CAMK1G: variants seen among roughly 807,000 people sequenced by gnomAD.
The protein encoded by CAMK1G is calcium/calmodulin dependent protein kinase IG.
CAMK1G carries 27 observed loss-of-function variants against 54.8 expected under a neutral mutation model. That is an observed-to-expected ratio of 0.49 (90% CI 0.36 to 0.68). CAMK1G has a LOEUF of 0.68. Among genes scored for constraint, CAMK1G ranks in the 30% least tolerant of loss-of-function variants. The pLI, the probability that CAMK1G is intolerant of heterozygous loss-of-function variation, is 0.00. For synonymous variants in CAMK1G, 238 were observed against 224.9 expected (o/e 1.06, Z -0.52); for missense variants, 512 against 591.0 (o/e 0.87, Z 1.39).
chr1:209,589,348 G>A (rs762193467), intron 1 of CAMK1G, among the ~76,000 whole-genome samples: 92 of 152,180 alleles, frequency 6.0e-4, no homozygotes, highest in Non-Finnish European at 1.2e-3. Flanking sequence ...CAAGAAAGAA[G>A]CCAAGCAGAT....
chr1:209,595,052 C>T lies in CAMK1G; in HGVS notation c.69C>T (p.Phe23=), dbSNP rs767850830. ...KKQTTNIRKT[F]IFMEVLGSGA... Reference sequence around the variant, plus strand: ...AGACCACCAACATCCGGAAAACCTTCATTTTTATGGAAGTGCTGGGATCGT... The same window carrying T: ...AGACCACCAACATCCGGAAAACCTTTATTTTTATGGAAGTGCTGGGATCGT... Residue 23 remains phenylalanine, a synonymous_variant, in exon 2 of 13, where the codon TTC becomes TTT. Coordinates refer to ENST00000361322, the MANE Select transcript of CAMK1G (RefSeq NM_020439.3). The T allele has an allele frequency of 3.7e-6, 6 of 1,613,922 alleles. No homozygotes were observed. The African/African-American group carries it at 8.0e-5, about 22-fold the overall frequency.
At chr1:209,605,745 T>C in intron 5 of CAMK1G, 71 bp downstream of exon 5, 1 of 1,478,820 alleles carries the variant, frequency 6.8e-7, no homozygotes, top group African/African-American at 1.4e-5. Flanking sequence ...TCATGGGACA[T>C]CTAAGCTCCA....
At chr1:209,606,550 G>T in intron 6 of CAMK1G, 107 bp downstream of exon 6, 2 of 1,276,278 alleles carry the variant, frequency 1.6e-6, no homozygotes. Flanking sequence ...AACTTCAGGG[G>T]CTATCCTGGT....
intron 1 of CAMK1G, among the ~76,000 whole-genome samples, chr1:209,591,797 C>T (rs1665257499): frequency 6.6e-6 from 1 of 152,144 alleles, no homozygotes; most frequent in Admixed American, 6.5e-5. Flanking sequence ...TGACTGGTCC[C>T]ACTGGTTCAC....
chr1:209,611,431 C>T (rs1216362785), intron 9 of CAMK1G, 34 bp from the exon 10 acceptor site: 3 of 1,606,754 alleles, frequency 1.9e-6, no homozygotes, highest in Non-Finnish European at 2.6e-6. Context: ...TAAATAGCCA[C>T]CCAGTAGCCA....
At chr1:209,606,658 C>T (rs77283315) in intron 6 of CAMK1G, among the ~76,000 whole-genome samples, 1,964 of 152,316 alleles carry the variant, frequency 0.013, 50 homozygotes, top group African/African-American at 0.045. Flanking sequence ...ACCGCCTACC[C>T]CTGAGCCCTC....
chr1:209,603,338 G>A, intron 4 of CAMK1G, 50 bp downstream of exon 4: 3 of 1,496,900 alleles, frequency 2.0e-6, no homozygotes, highest in Non-Finnish European at 2.8e-6. Flanking sequence ...TGGGGCCTGG[G>A]AGGCCTACAG....
intron 1 of CAMK1G, among the ~76,000 whole-genome samples, chr1:209,584,450 C>T (rs1377913329): frequency 6.6e-6 from 1 of 152,156 alleles, no homozygotes; most frequent in East Asian, 1.9e-4. Flanking sequence ...GCTTCCTTCA[C>T]CTTCCCCAGG....
intron 1 of CAMK1G, among the ~76,000 whole-genome samples, chr1:209,593,251 C>T (rs1665300603): frequency 1.3e-5 from 2 of 152,328 alleles, no homozygotes; most frequent in East Asian, 1.9e-4. Context: ...AACAAACTTT[C>T]TTTTTGTTCA....
chr1:209,612,409 A>C, intron 11 of CAMK1G, 193 bp downstream of exon 11: 1 of 651,800 alleles, frequency 1.5e-6, no homozygotes, highest in Admixed American at 3.0e-5. Context: ...GAGGCCATTG[A>C]CGAGTCAATG....
At chr1:209,602,993 T>A (rs1202650042) in intron 3 of CAMK1G, among the ~76,000 whole-genome samples, 1 of 152,230 alleles carries the variant, frequency 6.6e-6, no homozygotes, top group East Asian at 1.9e-4. Context: ...GGAAGGATGA[T>A]CAATTATTCA....
In CAMK1G at chr1:209,605,593, G is replaced by T; in HGVS notation, c.354G>T (p.Lys118Asn). The change falls in exon 5 of 13, where the codon AAG (lysine) becomes AAT (asparagine). Residue 118 changes from lysine (K) to asparagine (N), a missense_variant. Lys to Asn is a moderately conservative substitution (Grantham distance 94). Around this residue, in one of 3 missense-constraint regions of CAMK1G, gnomAD observed 186 missense variants for 231.5 expected, o/e 0.80. Coordinates refer to ENST00000361322, the MANE Select transcript of CAMK1G (RefSeq NM_020439.3). ...RILERGVYTE[K>N]DASLVIQQVL... Reference sequence around the variant, plus strand: ...TGGAGCGGGGTGTCTACACAGAGAAGGATGCCAGTCTGGTGATCCAGCAGG... The same window carrying T: ...TGGAGCGGGGTGTCTACACAGAGAATGATGCCAGTCTGGTGATCCAGCAGG... 6.2e-7 allele frequency: 1 copy of T among 1,614,170 alleles called. No individual in the cohort carries two copies. Among genetic ancestry groups the T allele is most frequent in the Non-Finnish European group, 8.5e-7 (1 of 1,180,008 alleles).
chr1:209,595,118 C>T, intron 2 of CAMK1G, 43 bp downstream of exon 2: 1 of 1,392,766 alleles, frequency 7.2e-7, no homozygotes, highest in Non-Finnish European at 1.0e-6. Flanking sequence ...GGGCTGCCTG[C>T]AGTGGGAGGT....
intron 9 of CAMK1G, among the ~76,000 whole-genome samples, chr1:209,610,801 G>A (rs1446647309): frequency 6.6e-6 from 1 of 152,104 alleles, no homozygotes; most frequent in South Asian, 2.1e-4. Flanking sequence ...AGGCTCCTAG[G>A]GGTCAGGGCC....
chr1:209,609,869 A>G lies in CAMK1G; in HGVS notation c.767A>G (p.His256Arg). The G allele has an allele frequency of 6.2e-7, 1 of 1,614,088 alleles. No homozygotes were observed. Among genetic ancestry groups the G allele is most frequent in the Non-Finnish European group, 8.5e-7 (1 of 1,180,004 alleles). ...ISESAKDFIC[H>R]LLEKDPNERY... is the part of the protein sequence containing the mutation. ...CCCTTAGCCAAGGACTTTATTTGCC[A>G]CTTGCTTGAGAAGGATCCGAACGAG... The change falls in exon 9 of 13, where the codon CAC becomes CGC. Residue 256 changes from histidine to arginine, a missense_variant. Transcript: ENST00000361322.
intron 4 of CAMK1G, among the ~76,000 whole-genome samples, chr1:209,605,175 T>C (rs1665618198): frequency 6.6e-6 from 1 of 152,212 alleles, no homozygotes; most frequent in Non-Finnish European, 1.5e-5. Flanking sequence ...GTTACCTCTC[T>C]CTTTCATCAT....
rs762023801 is a variant in CAMK1G, at chr1:209,606,364, C to A, written c.480C>A (p.Ile160=). 1 of 1,614,134 alleles carries A rather than the reference C, an allele frequency of 6.2e-7. No homozygotes were observed. The highest frequency in any genetic ancestry group is 1.3e-5 in the African/African-American group (1 of 75,046). The change falls in exon 6 of 13, where the codon ATC becomes ATA. Residue 160 remains isoleucine (I), a synonymous_variant. Coordinates refer to ENST00000361322, the MANE Select transcript of CAMK1G (RefSeq NM_020439.3). ...LYLTPEENSK[I]MITDFGLSKM... is the part of the protein sequence containing the mutation. ...TTACCCCTGAAGAGAACTCTAAGATCATGATCACTGACTTTGGTCTGTCCA... is the reference window on the plus strand; with the variant it reads ...TTACCCCTGAAGAGAACTCTAAGATAATGATCACTGACTTTGGTCTGTCCA...
intron 9 of CAMK1G, among the ~76,000 whole-genome samples, chr1:209,610,286 C>G (rs1469805253): frequency 1.3e-5 from 2 of 152,166 alleles, no homozygotes; most frequent in Non-Finnish European, 2.9e-5. Flanking sequence ...ACTCAGGGAT[C>G]AATAACTGTT....
intron 10 of CAMK1G, 74 bp from the exon 11 acceptor site, chr1:209,611,718 G>T: frequency 6.4e-7 from 1 of 1,559,424 alleles, no homozygotes; most frequent in South Asian, 1.2e-5. Flanking sequence ...GAGGCCACAA[G>T]GCAAAGGGAA....
Sources: gnomAD v4.1 joint callset for allele counts (sites outside exome capture counted in the v4.1 genomes callset) on GRCh38, gnomAD v4.1.1 for gene constraint, gnomAD v4.1.1 regional missense constraint, MANE v1.5 for transcripts, NCBI Gene and HGNC (gene_info 2026-07-23, HGNC 2026-07-21) for gene names.